The following USH2A variants were observed in gnomAD, a reference collection of about 807,000 sequenced individuals.
USH2A encodes usherin, also known as Usher syndrome 2A (autosomal recessive, mild).
Under a neutral mutation model 538.9 loss-of-function variants are expected in USH2A, and 443 were observed. The observed-to-expected ratio is 0.82, with a 90% CI of 0.76 to 0.89. USH2A has a LOEUF of 0.89. Ranked by LOEUF, USH2A falls within the 40% of genes least tolerant of loss-of-function variation. USH2A has a pLI of 0.00. For synonymous variants in USH2A, 2,413 were observed against 2,273.5 expected (o/e 1.06, Z -1.75); for missense variants, 6,633 against 6,324.8 (o/e 1.05, Z -1.65).
Position 216,325,356 on chromosome 1 carries a change from C to T in USH2A, c.1092G>A (p.Gln364=). Residue 364 remains glutamine (Q), a synonymous_variant, in exon 6 of 72, where the codon CAG becomes CAA. Transcript: ENST00000307340. ...WVSNVFTNIT[Q]LNQGVTISVD... is the part of the protein sequence containing the mutation. ...CTGAAATAGTCACTCCTTGATTAAGCTGTGTAATGTTTGTAAACACATTTG... is the reference window on the plus strand; with the variant it reads ...CTGAAATAGTCACTCCTTGATTAAGTTGTGTAATGTTTGTAAACACATTTG... 6.2e-7 allele frequency: 1 copy of T among 1,613,868 alleles called. No individual in the cohort carries two copies. The highest frequency in any genetic ancestry group is 8.5e-7 in the Non-Finnish European group (1 of 1,179,884).
Position 216,269,900 on chromosome 1 carries a change from T to C in USH2A, c.1972-18802A>G, listed in dbSNP as rs550020308. On this transcript the variant is annotated intron_variant, in intron 11 of 71. Transcript: ENST00000307340. ...AACAGAAAAGAGTAAGATCCTGCAATAATTACCCCAGTCAGTTTTCTTTAC... is the reference window on the plus strand; with the variant it reads ...AACAGAAAAGAGTAAGATCCTGCAACAATTACCCCAGTCAGTTTTCTTTAC... Among the ~76,000 whole-genome samples the C allele has an allele frequency of 3.3e-5, 5 of 152,212 alleles. No individual in the cohort carries two copies. In the East Asian group the frequency reaches 5.8e-4, roughly 18 times the overall value.
In USH2A at chr1:216,053,406, A is replaced by ATTGGT. The variant is rs2030863441; in HGVS notation, c.6050-4764_6050-4760dup. Among the ~76,000 whole-genome samples, 5 of 151,076 alleles carry ATTGGT rather than the reference A, an allele frequency of 3.3e-5. No homozygotes were observed. In the South Asian group the frequency reaches 1.0e-3, roughly 32 times the overall value. On this transcript the variant is annotated intron_variant, in intron 30 of 71. Coordinates refer to ENST00000307340, the MANE Select transcript of USH2A (RefSeq NM_206933.4). The stretch of plus-strand genomic sequence containing the variant: ...ATATCCTGAAAGGGAGAACTTTAAA[A>ATTGGT]TTGGTTTGGTTGTGAATCTCTTTGT...
At chr1:216,132,914 AG>A (rs1571987079) in intron 21 of USH2A, among the ~76,000 whole-genome samples, 1 of 152,106 alleles carries the variant, frequency 6.6e-6, no homozygotes, top group Non-Finnish European at 1.5e-5. Context: ...GACTGATAAA[AG>A]CTTAATGTGT....
At chr1:215,826,336 T>G (rs1032451653) in intron 47 of USH2A, among the ~76,000 whole-genome samples, 3 of 152,174 alleles carry the variant, frequency 2.0e-5, no homozygotes, top group African/African-American at 7.2e-5. Context: ...TATTCAAAGA[T>G]TCTCATGAGG....
At chr1:215,785,873 C>A (rs188191588) in intron 52 of USH2A, among the ~76,000 whole-genome samples, 1 of 151,130 alleles carries the variant, frequency 6.6e-6, no homozygotes, top group Admixed American at 6.6e-5. Flanking sequence ...GTTTATTAAC[C>A]TTAGCTTGCT....
chr1:216,391,303 T>A (rs889835997), intron 3 of USH2A, among the ~76,000 whole-genome samples: 3 of 152,186 alleles, frequency 2.0e-5, no homozygotes, highest in Admixed American at 1.3e-4. Flanking sequence ...TAGATGCAAC[T>A]ATCATCAAAA....
chr1:216,047,219 A>C (rs2030558663), intron 31 of USH2A, among the ~76,000 whole-genome samples: 1 of 152,132 alleles, frequency 6.6e-6, no homozygotes, highest in Non-Finnish European at 1.5e-5. Context: ...GAATGTCTTT[A>C]AAAATAAAAA....
chr1:216,027,688 A>T (rs2102507750), intron 32 of USH2A, among the ~76,000 whole-genome samples: 1 of 152,268 alleles, frequency 6.6e-6, no homozygotes, highest in Middle Eastern at 3.4e-3. Flanking sequence ...CAAATTCACT[A>T]GTTCACAATA....
intron 27 of USH2A, among the ~76,000 whole-genome samples, chr1:216,076,441 T>C (rs2031753032): frequency 6.6e-6 from 1 of 152,176 alleles, no homozygotes; most frequent in Admixed American, 6.5e-5. Context: ...TAGCCACGTC[T>C]TTAGGACCAT....
At chr1:216,125,661 A>G (rs1161510993) in intron 21 of USH2A, among the ~76,000 whole-genome samples, 2 of 152,298 alleles carry the variant, frequency 1.3e-5, no homozygotes, top group Non-Finnish European at 2.9e-5. Context: ...GTATTTTTTT[A>G]GTGGTTCCAT....
At chr1:215,910,240 C>A (rs1309119275) in intron 38 of USH2A, among the ~76,000 whole-genome samples, 3 of 151,924 alleles carry the variant, frequency 2.0e-5, no homozygotes, top group African/African-American at 4.8e-5. Flanking sequence ...GTTCAATTAG[C>A]ACTTTTTACA....
chr1:215,744,303 T>A (rs1660401608), intron 58 of USH2A, among the ~76,000 whole-genome samples: 1 of 152,234 alleles, frequency 6.6e-6, no homozygotes, highest in Non-Finnish European at 1.5e-5. Flanking sequence ...ATTGTCATTT[T>A]TCACCATTCC....
chr1:215,717,050 C>T (rs1006379260), intron 61 of USH2A, among the ~76,000 whole-genome samples: 1 of 152,116 alleles, frequency 6.6e-6, no homozygotes, highest in Non-Finnish European at 1.5e-5. Flanking sequence ...GAGATTTCTA[C>T]CCTACGGTAA....
intron 49 of USH2A, among the ~76,000 whole-genome samples, chr1:215,807,687 G>T (rs780274219): frequency 6.6e-6 from 1 of 151,998 alleles, no homozygotes; most frequent in Non-Finnish European, 1.5e-5. Context: ...GGATCAACAA[G>T]GATCCTTTGT....
At chr1:215,754,448 A>T (rs569972785) in intron 58 of USH2A, among the ~76,000 whole-genome samples, 3 of 152,248 alleles carry the variant, frequency 2.0e-5, no homozygotes, top group Admixed American at 1.3e-4. Flanking sequence ...CCAAGTAACC[A>T]CATAGACATT....
At chr1:216,090,661 C>T (rs2032277327) in intron 22 of USH2A, among the ~76,000 whole-genome samples, 1 of 152,092 alleles carries the variant, frequency 6.6e-6, no homozygotes, top group Non-Finnish European at 1.5e-5. Context: ...TACAAACACA[C>T]ATTTCATTAT....
rs1164404187 is a variant in USH2A, at chr1:216,248,778, G to A, written c.2168-1552C>T. Among the ~76,000 whole-genome samples, 7 of 152,152 alleles carry A rather than the reference G, an allele frequency of 4.6e-5. No homozygotes were observed. In the East Asian group the frequency reaches 5.8e-4, roughly 13 times the overall value. ...TATCAGTTTTAAAAATATGCACAGT[G>A]CTTATTTGAATATGCCATACATATT... On this transcript the variant is annotated intron_variant, in intron 12 of 71. Coordinates refer to ENST00000307340, the MANE Select transcript of USH2A (RefSeq NM_206933.4).
intron 9 of USH2A, among the ~76,000 whole-genome samples, chr1:216,294,265 G>A (rs2037061280): frequency 6.6e-6 from 1 of 151,948 alleles, no homozygotes; most frequent in Non-Finnish European, 1.5e-5. Flanking sequence ...AAAGGCAGGA[G>A]GTAGAAAATT....
chr1:216,396,671 A>G (rs1385411730), intron 3 of USH2A, among the ~76,000 whole-genome samples: 2 of 152,206 alleles, frequency 1.3e-5, no homozygotes, highest in Non-Finnish European at 2.9e-5. Flanking sequence ...TCTGCAAAGA[A>G]TTATGGCAAT....
Sources: allele counts gnomAD v4.1 joint callset (sites outside exome capture counted in the v4.1 genomes callset), GRCh38; gene constraint gnomAD v4.1.1; transcripts MANE v1.5; gene names NCBI Gene and HGNC (gene_info 2026-07-23, HGNC 2026-07-21).